CLNK: variants seen among roughly 807,000 people sequenced by gnomAD.
CLNK encodes the protein cytokine-dependent hematopoietic cell linker.
Under a neutral mutation model 68.6 loss-of-function variants are expected in CLNK, and 74 were observed. The observed-to-expected ratio is 1.08, with a 90% CI of 0.89 to 1.31. The LOEUF is 1.31. Among genes scored for constraint, CLNK ranks in the 50% most tolerant of loss-of-function variants. CLNK has a pLI of 0.00. For synonymous variants in CLNK, 198 were observed against 172.2 expected (o/e 1.15, Z -1.17); for missense variants, 553 against 515.3 (o/e 1.07, Z -0.71).
intron 17 of CLNK, among the ~76,000 whole-genome samples, chr4:10,507,436 T>TTTTA (rs113177804): frequency 0.12 from 16,963 of 142,666 alleles, 1,194 homozygotes; most frequent in East Asian, 0.18. Flanking sequence ...TGTTTTCTGT[T>TTTTA]TTTATTTATT....
intron 10 of CLNK, among the ~76,000 whole-genome samples, chr4:10,541,768 AT>A (rs1164782950): frequency 6.6e-6 from 1 of 152,200 alleles, no homozygotes; most frequent in Non-Finnish European, 1.5e-5. Context: ...GAATACATTC[AT>A]TGAGAAATGA....
intron 4 of CLNK, among the ~76,000 whole-genome samples, chr4:10,581,466 C>T (rs1055082082): frequency 4.6e-5 from 7 of 152,056 alleles, no homozygotes; most frequent in African/African-American, 1.5e-4. Flanking sequence ...GCTAATAATT[C>T]GAAGCCACAG....
chr4:10,567,212 C>A (rs990482804), intron 5 of CLNK, among the ~76,000 whole-genome samples: 2 of 149,276 alleles, frequency 1.3e-5, no homozygotes, highest in South Asian at 2.1e-4. Flanking sequence ...GTAATCAAGA[C>A]AATGTGGTAT....
intron 2 of CLNK, among the ~76,000 whole-genome samples, chr4:10,605,121 C>T (rs1721736496): frequency 6.6e-6 from 1 of 152,190 alleles, no homozygotes; most frequent in Admixed American, 6.5e-5. Flanking sequence ...TTTAAGACTA[C>T]AACATCAACT....
In CLNK at chr4:10,501,992, C is replaced by T. The variant is rs904980838; in HGVS notation, c.985-581G>A. Reference sequence around the variant, plus strand: ...TTCCTACTGACCTGGGCATAGTGCTCATGAACTTAGCATGACCAACCTATC... The same window carrying T: ...TTCCTACTGACCTGGGCATAGTGCTTATGAACTTAGCATGACCAACCTATC... On this transcript the variant is annotated intron_variant, in intron 17 of 18. Coordinates refer to ENST00000226951, the MANE Select transcript of CLNK (RefSeq NM_052964.4). Among the ~76,000 whole-genome samples, 4 of 152,180 alleles carry T rather than the reference C, an allele frequency of 2.6e-5. No individual in the cohort carries two copies. The East Asian group carries it at 5.8e-4, about 22-fold the overall frequency.
At chr4:10,562,901 TG>T (rs1719955893) in intron 7 of CLNK, among the ~76,000 whole-genome samples, 1 of 152,204 alleles carries the variant, frequency 6.6e-6, no homozygotes, top group South Asian at 2.1e-4. Context: ...CACAGGGAAT[TG>T]GTGGTTCACG....
At chr4:10,616,517 G>T (rs1207945192) in intron 2 of CLNK, among the ~76,000 whole-genome samples, 1 of 152,054 alleles carries the variant, frequency 6.6e-6, no homozygotes, top group Non-Finnish European at 1.5e-5. Context: ...TTTCTTTGTT[G>T]TTCCACTTTT....
chr4:10,604,337 A>AT (rs1721707347), intron 2 of CLNK, among the ~76,000 whole-genome samples: 1 of 152,230 alleles, frequency 6.6e-6, no homozygotes, highest in Non-Finnish European at 1.5e-5. Context: ...CAAGTGATCG[A>AT]TGTCCATTTT....
At chr4:10,692,878 C>T in the CLNK span, among the ~76,000 whole-genome samples, 2 of 152,242 alleles carry the variant, frequency 1.3e-5, no homozygotes, top group Non-Finnish European at 2.9e-5. Flanking sequence ...GTTAAACAGA[C>T]TTCCCAATTT....
At chr4:10,650,343 A>G (rs1723678584) in intron 2 of CLNK, among the ~76,000 whole-genome samples, 1 of 152,152 alleles carries the variant, frequency 6.6e-6, no homozygotes, top group Non-Finnish European at 1.5e-5. Context: ...ACTCAAAGAG[A>G]TAATGACAGA....
At chr4:10,711,980 A>G in the CLNK span, among the ~76,000 whole-genome samples, 1 of 152,176 alleles carries the variant, frequency 6.6e-6, no homozygotes, top group Non-Finnish European at 1.5e-5. Flanking sequence ...ACCGGGAGAC[A>G]ATGGATATCG....
intron 2 of CLNK, among the ~76,000 whole-genome samples, chr4:10,617,437 G>A (rs1216783469): frequency 2.0e-5 from 3 of 152,106 alleles, no homozygotes; most frequent in Non-Finnish European, 4.4e-5. Flanking sequence ...ATCCCCTTAC[G>A]AACTACCATG....
At chr4:10,599,733 G>A (rs1363227687) in intron 2 of CLNK, among the ~76,000 whole-genome samples, 5 of 149,790 alleles carry the variant, frequency 3.3e-5, no homozygotes, top group Non-Finnish European at 5.9e-5. Context: ...GACATCATCC[G>A]AATCTGTTAA....
At chr4:10,560,592 CG>C (rs957061117) in intron 7 of CLNK, among the ~76,000 whole-genome samples, 1 of 151,786 alleles carries the variant, frequency 6.6e-6, no homozygotes, top group African/African-American at 2.4e-5. Flanking sequence ...TACAGGCGTG[CG>C]TCACCATGCC....
chr4:10,724,071 G>T, the CLNK span, among the ~76,000 whole-genome samples: 1 of 152,136 alleles, frequency 6.6e-6, no homozygotes, highest in Admixed American at 6.6e-5. Context: ...AGTCGACGGG[G>T]TTGGGGGATG....
the CLNK span, among the ~76,000 whole-genome samples, chr4:10,714,961 T>C: frequency 6.6e-6 from 1 of 152,162 alleles, no homozygotes; most frequent in Non-Finnish European, 1.5e-5. Context: ...AGTTTTTTTT[T>C]CCCCTACCTT....
chr4:10,580,808 A>G (rs1471964877), intron 4 of CLNK, among the ~76,000 whole-genome samples: 1 of 152,194 alleles, frequency 6.6e-6, no homozygotes, highest in African/African-American at 2.4e-5. Context: ...TATAATTGTA[A>G]AAGTTATGGT....
intron 3 of CLNK, among the ~76,000 whole-genome samples, chr4:10,596,032 T>C (rs1288882752): frequency 6.6e-6 from 1 of 152,166 alleles, no homozygotes; most frequent in African/African-American, 2.4e-5. Flanking sequence ...ATACCATTTG[T>C]TTTTCTTTTT....
chr4:10,649,766 C>A (rs1723655086), intron 2 of CLNK, among the ~76,000 whole-genome samples: 2 of 137,062 alleles, frequency 1.5e-5, no homozygotes, highest in African/African-American at 2.8e-5. Flanking sequence ...TTAATAGTTC[C>A]TTTAGGCACC....
Sources: gnomAD v4.1 joint callset for allele counts (sites outside exome capture counted in the v4.1 genomes callset) on GRCh38, gnomAD v4.1.1 for gene constraint, MANE v1.5 for transcripts, NCBI Gene and HGNC (gene_info 2026-07-23, HGNC 2026-07-21) for gene names.